BRCA2: variants seen among roughly 807,000 people sequenced by gnomAD.
The protein encoded by BRCA2 is breast cancer type 2 susceptibility protein.
A neutral mutation model predicts 276.7 loss-of-function variants in BRCA2; 203 were observed. That is an observed-to-expected ratio of 0.73 (90% confidence interval 0.65 to 0.82). The LOEUF is 0.82. BRCA2 is among the 40% of genes least tolerant of loss of function. BRCA2 has a pLI of 0.00. For missense variants in BRCA2, 3,920 were observed against 3,915.0 expected (o/e 1.00, Z -0.03); for synonymous variants, 1,289 against 1,338.4 (o/e 0.96, Z 0.81).
chr13:32,336,148 T>G, intron 10 of BRCA2, 117 bp from the exon 11 acceptor site: 80 of 1,177,022 alleles, frequency 6.8e-5, no homozygotes, highest in Non-Finnish European at 8.9e-5. Flanking sequence ...CCAAAAGTGC[T>G]GAGATTACAG....
In BRCA2 at chr13:32,333,317, A is replaced by G. The variant is rs1057520988; in HGVS notation, c.1839A>G (p.Leu613=). The change falls in exon 10 of 27, where the codon CTA becomes CTG. Residue 613 remains leucine (L), a synonymous_variant. Transcript: ENST00000380152. ...TACCGAAAGACCAAAAATCAGAACT[A>G]ATTAACTGTTCAGCCCAGTTTGAAG... The part of the protein sequence containing the change: ...KKIPKDQKSE[L]INCSAQFEAN... 1.2e-6 allele frequency: 2 copies of G among 1,608,538 alleles called. No homozygotes were observed. Among genetic ancestry groups the G allele is most frequent in the South Asian group, 1.1e-5 (1 of 89,456 alleles).
rs779995827 is a variant in BRCA2, at chr13:32,339,321, A to C, written c.4966A>C (p.Thr1656Pro). Residue 1656 changes from threonine to proline, a missense_variant, in exon 11 of 27, where the codon ACA becomes CCA. By Grantham distance (38) the Thr-to-Pro change is conservative. Around this residue, in one of 2 missense-constraint regions of BRCA2, gnomAD observed 3,263 missense variants for 3,156.9 expected, o/e 1.03. Coordinates refer to ENST00000380152, the MANE Select transcript of BRCA2 (RefSeq NM_000059.4). ...AGCAAAAAGTCCTGCAACTTGTTAC[A>C]CAAATCAGTCCCCTTATTCAGTCAT... ...ETAKSPATCY[T>P]NQSPYSVIEN... is the part of the protein sequence containing the mutation. 1 of 1,601,982 alleles carries C rather than the reference A, an allele frequency of 6.2e-7. No individual in the cohort carries two copies. The highest frequency in any genetic ancestry group is 8.5e-7 in the Non-Finnish European group (1 of 1,175,744).
chr13:32,381,542 G>A (rs1593939033), intron 24 of BRCA2, among the ~76,000 whole-genome samples: 2 of 152,182 alleles, frequency 1.3e-5, no homozygotes, highest in South Asian at 4.1e-4. Flanking sequence ...AAAGGCCGCA[G>A]TACAGCAGGA....
In BRCA2 at chr13:32,329,587, CTG is replaced by C. The variant is rs56385407; in HGVS notation, c.681+97_681+98del. ...TATCTTACATTTTTAATTTCCTAAT[CTG>C]TAATTTATCTAAGCCTTTGAGAAAG... On this transcript the variant is annotated intron_variant, in intron 8 of 26. Transcript: ENST00000380152. 40 of 1,027,616 alleles carry C rather than the reference CTG, an allele frequency of 3.9e-5. No individual in the cohort carries two copies. The East Asian group carries it at 1.1e-3, about 27-fold the overall frequency. 63.7% of individuals were successfully genotyped at this position (1,027,616 alleles called of 1,614,324 possible). A position where few individuals can be genotyped will look rare whatever the true frequency, so the allele number is the denominator to read the frequency against.
At chr13:32,362,458 T>C (rs2072743486) in intron 16 of BRCA2, 65 bp from the exon 17 acceptor site, 3 of 1,434,982 alleles carry the variant, frequency 2.1e-6, no homozygotes, top group African/African-American at 1.4e-5. Context: ...AGAATAGTTG[T>C]AGTTGTTGAA....
Position 32,362,505 on chromosome 13 carries a change from C to T in BRCA2, c.7806-18C>T, listed in dbSNP as rs2137576212. On this transcript the variant is annotated intron_variant, in intron 16 of 26. Coordinates refer to ENST00000380152, the MANE Select transcript of BRCA2 (RefSeq NM_000059.4). ...CCTATGTGGTTTTTATGATAATATT[C>T]TACTTTTATTTGTTCAGGGCTCTGT... The T allele has an allele frequency of 6.2e-7, 1 of 1,608,160 alleles. No homozygotes were observed. Among genetic ancestry groups the T allele is most frequent in the Non-Finnish European group, 8.5e-7 (1 of 1,174,684 alleles).
rs575762451 is a variant in BRCA2, at chr13:32,323,861, A to T, written c.317-1215A>T. ...CTTAATGCCCTGGAGAGTCAAATAT[A>T]ATCTACTCTAATACAGAAAATAGAA... On this transcript the variant is annotated intron_variant, in intron 3 of 26. Transcript: ENST00000380152. Among the ~76,000 whole-genome samples, 68 of 152,356 alleles carry T rather than the reference A, an allele frequency of 4.5e-4. 1 individual carries two copies. In the South Asian group the frequency reaches 9.5e-3, roughly 21 times the overall value.
At chr13:32,321,290 A>G (rs1449313585) in intron 3 of BRCA2, among the ~76,000 whole-genome samples, 1 of 152,180 alleles carries the variant, frequency 6.6e-6, no homozygotes, top group African/African-American at 2.4e-5. Flanking sequence ...ACAAATATGA[A>G]TAAGATGTCC....
In BRCA2 at chr13:32,332,592, A is replaced by C. The variant is rs144848; in HGVS notation, c.1114A>C (p.Asn372His). 446,175 of 1,613,510 alleles carry C rather than the reference A, an allele frequency of 0.28. 63,594 individuals carry two copies. Among genetic ancestry groups the C allele is most frequent in the South Asian group, 0.35 (31,815 of 90,952 alleles). Residue 372 changes from asparagine to histidine, a missense_variant, in exon 10 of 27, where the codon AAT becomes CAT. By Grantham distance (68) the Asn-to-His change is moderately conservative. This residue lies in a region of BRCA2 where 3,263 missense variants were observed against 3,156.9 expected (regional missense o/e 1.03). Coordinates refer to ENST00000380152, the MANE Select transcript of BRCA2 (RefSeq NM_000059.4). The stretch of plus-strand genomic sequence containing the variant: ...TGATCCATTAGATTCAAATGTAGCA[A>C]ATCAGAAGCCCTTTGAGAGTGGAAG... Reference protein sequence around the residue: ...DTDPLDSNVANQKPFESGSDK... With the variant: ...DTDPLDSNVAHQKPFESGSDK...
intron 22 of BRCA2, 70 bp downstream of exon 22, chr13:32,379,585 T>C: frequency 6.4e-7 from 1 of 1,561,118 alleles, no homozygotes; most frequent in African/African-American, 1.4e-5. Flanking sequence ...ACAAAATGAT[T>C]ATAAATCCAG....
chr13:32,346,715 T>G, intron 12 of BRCA2, 112 bp from the exon 13 acceptor site: 1 of 755,504 alleles, frequency 1.3e-6, no homozygotes, highest in Non-Finnish European at 2.1e-6. Flanking sequence ...TCTGTTACAT[T>G]CACTGAAAAT....
Position 32,340,400 on chromosome 13 carries a change from G to C in BRCA2, c.6045G>C (p.Leu2015Phe). 1 of 1,613,682 alleles carries C rather than the reference G, an allele frequency of 6.2e-7. No homozygotes were observed. Among genetic ancestry groups the C allele is most frequent in the Non-Finnish European group, 8.5e-7 (1 of 1,179,712 alleles). ...CCAAGCAAGTCTTTTCCAAAGTATT[G>C]TTTAAAAGTAACGAACATTCAGACC... ...DSTKQVFSKV[L>F]FKSNEHSDQL... is the part of the protein sequence containing the mutation. Residue 2015 changes from leucine (L) to phenylalanine (F), a missense_variant, in exon 11 of 27, where the codon TTG becomes TTC. By Grantham distance (22) the Leu-to-Phe change is conservative (BLOSUM62 0). Coordinates refer to ENST00000380152, the MANE Select transcript of BRCA2 (RefSeq NM_000059.4).
At chr13:32,390,461 CATA>C (rs887539043) in intron 24 of BRCA2, among the ~76,000 whole-genome samples, 16 of 152,064 alleles carry the variant, frequency 1.1e-4, no homozygotes, top group African/African-American at 1.7e-4. Flanking sequence ...TACTTTAAAA[CATA>C]ATAATAAAAC....
rs762752733 is a variant in BRCA2, at chr13:32,337,552, A to G, written c.3197A>G (p.Asn1066Ser). The part of the protein sequence containing the change: ...QKKLSKPQSI[N>S]TVSAHLQSSV... Reference sequence around the variant, plus strand: ...AAACTGAGCAAGCCTCAGTCAATTAATACTGTATCTGCACATTTACAGAGT... The same window carrying G: ...AAACTGAGCAAGCCTCAGTCAATTAGTACTGTATCTGCACATTTACAGAGT... Residue 1066 changes from asparagine to serine, a missense_variant, in exon 11 of 27, where the codon AAT (asparagine) becomes AGT (serine). Asn to Ser is a conservative substitution (Grantham distance 46). Coordinates refer to ENST00000380152, the MANE Select transcript of BRCA2 (RefSeq NM_000059.4). The G allele has an allele frequency of 3.7e-6, 6 of 1,607,876 alleles. No homozygotes were observed. In the East Asian group the frequency reaches 8.9e-5, roughly 24 times the overall value.
At chr13:32,343,225 A>T (rs989097042) in intron 11 of BRCA2, among the ~76,000 whole-genome samples, 1 of 151,966 alleles carries the variant, frequency 6.6e-6, no homozygotes, top group South Asian at 2.1e-4. Context: ...GTTTTTTTCT[A>T]TTAGTGTATC....
At chr13:32,367,174 C>A (rs888826577) in intron 18 of BRCA2, among the ~76,000 whole-genome samples, 1 of 152,184 alleles carries the variant, frequency 6.6e-6, no homozygotes, top group Non-Finnish European at 1.5e-5. Context: ...CTGGCCCACA[C>A]CTGTAATCCC....
chr13:32,353,104 C>T (rs530629846), intron 13 of BRCA2, among the ~76,000 whole-genome samples: 1 of 152,292 alleles, frequency 6.6e-6, no homozygotes, highest in South Asian at 2.1e-4. Flanking sequence ...CAGCAATTAT[C>T]TTGTCTCTCT....
At chr13:32,366,910 C>A (rs1461104398) in intron 18 of BRCA2, among the ~76,000 whole-genome samples, 1 of 150,452 alleles carries the variant, frequency 6.6e-6, no homozygotes, top group East Asian at 1.9e-4. Context: ...TAGTGAGTAA[C>A]CCTAGCTCTC....
rs977513124 is a variant in BRCA2, at chr13:32,357,056, A to T, written c.7617+447A>T. ...TTGATGACATTAATAGCTAACTTTG[A>T]GCATTTTCTAGGTGTAAGATGCTCT... On this transcript the variant is annotated intron_variant, in intron 15 of 26. Transcript: ENST00000380152. Among the ~76,000 whole-genome samples, 3 of 152,234 alleles carry T rather than the reference A, an allele frequency of 2.0e-5. No individual in the cohort carries two copies. The East Asian group carries it at 5.8e-4, about 29-fold the overall frequency.
Sources: gnomAD v4.1 joint callset for allele counts (sites outside exome capture counted in the v4.1 genomes callset) on GRCh38, gnomAD v4.1.1 for gene constraint, gnomAD v4.1.1 regional missense constraint, MANE v1.5 for transcripts, NCBI Gene and HGNC (gene_info 2026-07-23, HGNC 2026-07-21) for gene names.